The following DYNC1H1 variants were observed in gnomAD, a reference collection of about 807,000 sequenced individuals.
The protein encoded by DYNC1H1 is cytoplasmic dynein 1 heavy chain 1.
A neutral mutation model predicts 527.1 loss-of-function variants in DYNC1H1; 51 were observed. The ratio of observed to expected loss-of-function variants is 0.10; its 90% CI spans 0.08 to 0.12. The LOEUF (loss-of-function observed/expected upper bound fraction) is 0.12, where lower values mean the gene tolerates loss of function less well. Among genes scored for constraint, DYNC1H1 ranks in the 10% least tolerant of loss-of-function variants. The pLI is 1.00. For synonymous variants in DYNC1H1, 2,189 were observed against 2,278.8 expected (o/e 0.96, Z 1.12); for missense variants, 2,771 against 5,971.8 (o/e 0.46, Z 17.66).
rs558587879 is a variant in DYNC1H1 at position 101,974,887 on chromosome 14, C to T, written c.257-825C>T. 5.0e-4 allele frequency among the ~76,000 whole-genome samples: 76 copies of T among 152,258 alleles called. No homozygotes were observed. The South Asian group carries it at 9.1e-3, about 18-fold the overall frequency. ...GCATGTTGTATTGCGTGGAATCTAG[C>T]GTGGTCTCTGCCTTCCAAGAGCTCA... On this transcript the variant is annotated intron_variant, in intron 1 of 77. Transcript: ENST00000360184.
rs2048353688 is a variant in DYNC1H1 at position 102,018,818 on chromosome 14, G to A, written c.8343+202G>A. On this transcript the variant is annotated intron_variant, in intron 41 of 77. Coordinates refer to ENST00000360184, the MANE Select transcript of DYNC1H1 (RefSeq NM_001376.5). This position sits in a 1 kb window ranked among gnomAD's most constrained non-coding sequence, Gnocchi z 5.2. ...TCTACAAAAAATAGGTGGGCGTGGT[G>A]GTGCATGCTTGTAATGTCAGCTTCC... 6.6e-6 allele frequency among the ~76,000 whole-genome samples: 1 copy of A among 152,156 alleles called. No homozygotes were observed. Among genetic ancestry groups the A allele is most frequent in the Non-Finnish European group, 1.5e-5 (1 of 68,038 alleles).
At chr14:101,992,508 T>A (rs1440678865) in intron 11 of DYNC1H1, among the ~76,000 whole-genome samples, 1 of 152,156 alleles carries the variant, frequency 6.6e-6, no homozygotes, top group Non-Finnish European at 1.5e-5. Context: ...CTCTTGCTTA[T>A]CTCCAAATTT....
chr14:102,017,187 T>C lies in DYNC1H1; in HGVS notation c.7948T>C (p.Leu2650=). The C allele has an allele frequency of 6.2e-7, 1 of 1,614,230 alleles. No individual in the cohort carries two copies. The highest frequency in any genetic ancestry group is 1.7e-5 in the Admixed American group (1 of 60,024). ...CAGGCGCACACCTAATGGGGTGGTT[T>C]TGGCTCCTGTTCAACTTGGAAAGTG... ...EYRRTPNGVV[L]APVQLGKWLV... Residue 2650 remains leucine (L), a synonymous_variant, in exon 39 of 78, where the codon TTG becomes CTG. Transcript: ENST00000360184. This position sits in a 1 kb window ranked among gnomAD's most constrained non-coding sequence, Gnocchi z 4.6.
Position 102,029,513 on chromosome 14 carries a change from G to T in DYNC1H1, c.9469-26G>T. The stretch of plus-strand genomic sequence containing the variant: ...TAAGTCACAGAGTTTCCTGAAGAGT[G>T]AGAAGATGTAACTATTTTCTGAAAG... On this transcript the variant is annotated intron_variant, in intron 48 of 77. Coordinates refer to ENST00000360184, the MANE Select transcript of DYNC1H1 (RefSeq NM_001376.5). The surrounding 1 kb of genome is among the most constrained non-coding windows in gnomAD (Gnocchi z 5.3). 6.2e-7 allele frequency: 1 copy of T among 1,613,998 alleles called. No homozygotes were observed. The highest frequency in any genetic ancestry group is 1.1e-5 in the South Asian group (1 of 91,008).
chr14:102,048,580 G>T lies in DYNC1H1; in HGVS notation c.13283G>T (p.Arg4428Leu). The T allele has an allele frequency of 1.2e-6, 2 of 1,614,188 alleles. No homozygotes were observed. Among genetic ancestry groups the T allele is most frequent in the Non-Finnish European group, 8.5e-7 (1 of 1,180,042 alleles). ...KMGAKLLQDV[R>L]QDLADVVQVC... The stretch of plus-strand genomic sequence containing the variant: ...GGCGCAAAGCTGCTTCAGGACGTTC[G>T]CCAGGACCTTGCAGATGTCGTCCAG... The change falls in exon 74 of 78, where the codon CGC (arginine) becomes CTC (leucine). Residue 4428 changes from arginine (R) to leucine (L), a missense_variant. This residue lies in a region of DYNC1H1 where 170 missense variants were observed against 249.8 expected (regional missense o/e 0.68). Coordinates refer to ENST00000360184, the MANE Select transcript of DYNC1H1 (RefSeq NM_001376.5).
At position 101,964,864 on chromosome 14, in the gene DYNC1H1, A is replaced by C; in HGVS notation, c.173A>C (p.Glu58Ala). 6.3e-7 allele frequency: 1 copy of C among 1,597,932 alleles called. No individual in the cohort carries two copies. The highest frequency in any genetic ancestry group is 8.5e-7 in the Non-Finnish European group (1 of 1,173,220). ...GCCGCGCTGGAGGCGGCGCTGGAGG[A>C]GAAGAGCGCCCTGGAGCAGATGCGC... is the stretch of plus-strand genomic sequence containing the variant. Reference protein sequence around the residue: ...APAALEAALEEKSALEQMRKF... With the variant: ...APAALEAALEAKSALEQMRKF... The change falls in exon 1 of 78, where the codon GAG becomes GCG. Residue 58 changes from glutamate to alanine, a missense_variant. Glu to Ala is a moderately radical substitution (Grantham distance 107, BLOSUM62 -1). Around this residue, in one of 32 missense-constraint regions of DYNC1H1, gnomAD observed 101 missense variants for 105.3 expected, o/e 0.96. Coordinates refer to ENST00000360184, the MANE Select transcript of DYNC1H1 (RefSeq NM_001376.5). The surrounding 1 kb of genome is among the most constrained non-coding windows in gnomAD (Gnocchi z 5.5).
At position 102,001,115 on chromosome 14, in the gene DYNC1H1, C is replaced by T; in HGVS notation, c.4186-30C>T. Reference sequence around the variant, plus strand: ...TGAGTGTCCATTAGAAACGCACCTGCACAGATCACTTTGTTTACTTTCTCC... The same window carrying T: ...TGAGTGTCCATTAGAAACGCACCTGTACAGATCACTTTGTTTACTTTCTCC... On this transcript the variant is annotated intron_variant, in intron 19 of 77. Coordinates refer to ENST00000360184, the MANE Select transcript of DYNC1H1 (RefSeq NM_001376.5). The surrounding 1 kb of genome is among the most constrained non-coding windows in gnomAD (Gnocchi z 5.0). 2.5e-6 allele frequency: 4 copies of T among 1,614,132 alleles called. No homozygotes were observed. Among genetic ancestry groups the T allele is most frequent in the Non-Finnish European group, 3.4e-6 (4 of 1,180,008 alleles).
chr14:102,013,656 G>C (rs2048286274), intron 34 of DYNC1H1, among the ~76,000 whole-genome samples: 1 of 152,162 alleles, frequency 6.6e-6, no homozygotes, highest in Non-Finnish European at 1.5e-5. Context: ...GTGTGAGTTT[G>C]TACACTGGGC....
chr14:102,042,817 G>T lies in DYNC1H1; in HGVS notation c.12513+69G>T. 9 of 1,567,236 alleles carry T rather than the reference G, an allele frequency of 5.7e-6. No individual in the cohort carries two copies. Among genetic ancestry groups the T allele is most frequent in the Non-Finnish European group, 7.8e-6 (9 of 1,147,526 alleles). ...AAGCCCAGTCCCATCACCAAATGCA[G>T]AAGTGGGTCCCTGGGCCCCCGGAAG... On this transcript the variant is annotated intron_variant, in intron 69 of 77. Coordinates refer to ENST00000360184, the MANE Select transcript of DYNC1H1 (RefSeq NM_001376.5). This position sits in a 1 kb window ranked among gnomAD's most constrained non-coding sequence, Gnocchi z 5.7.
chr14:101,986,224 G>C lies in DYNC1H1; in HGVS notation c.1999G>C (p.Asp667His). The change falls in exon 8 of 78, where the codon GAT (aspartate) becomes CAT (histidine). Residue 667 changes from aspartate (D) to histidine (H), a missense_variant. Physicochemically the swap from Asp to His is moderately conservative, Grantham distance 81 (BLOSUM62 -1). This residue lies in a region of DYNC1H1 where 264 missense variants were observed against 619.4 expected (regional missense o/e 0.43). Coordinates refer to ENST00000360184, the MANE Select transcript of DYNC1H1 (RefSeq NM_001376.5). This position sits in a 1 kb window ranked among gnomAD's most constrained non-coding sequence, Gnocchi z 8.7. Reference sequence around the variant, plus strand: ...GACGGCCTACATGAAGCGGGTGGAAGATGTCCTTGGCAAGGGCTGGGAGAA... The same window carrying C: ...GACGGCCTACATGAAGCGGGTGGAACATGTCCTTGGCAAGGGCTGGGAGAA... The part of the protein sequence containing the change: ...QLTAYMKRVE[D>H]VLGKGWENHV... 1.2e-6 allele frequency: 2 copies of C among 1,614,208 alleles called. No homozygotes were observed. Among genetic ancestry groups the C allele is most frequent in the Non-Finnish European group, 1.7e-6 (2 of 1,180,044 alleles).
Position 102,018,609 on chromosome 14 carries a change from T to C in DYNC1H1, c.8336T>C (p.Met2779Thr), listed in dbSNP as rs772426649. The change falls in exon 41 of 78, where the codon ATG becomes ACG. Residue 2779 changes from methionine (M) to threonine (T), a missense_variant. By Grantham distance (81) the Met-to-Thr change is moderately conservative. Transcript: ENST00000360184. The surrounding 1 kb of genome is among the most constrained non-coding windows in gnomAD (Gnocchi z 5.2). ...GCTGCCATGGTGGAGTTCTACACCA[T>C]GTCTCAGGTACGCAGAGTTTCTTTG... ...LTAAMVEFYT[M>T]SQERFTQDTQ... 5 of 1,613,778 alleles carry C rather than the reference T, an allele frequency of 3.1e-6. No homozygotes were observed. The highest frequency in any genetic ancestry group is 1.3e-5 in the African/African-American group (1 of 74,934).
chr14:101,994,165 T>C lies in DYNC1H1; in HGVS notation c.3016-19T>C. On this transcript the variant is annotated intron_variant, in intron 11 of 77. Coordinates refer to ENST00000360184, the MANE Select transcript of DYNC1H1 (RefSeq NM_001376.5). ...TTTCATATACACTGCTTGCATTCATTTCGGCTTTGGTTGGCTAGGTGGGTG... is the reference window on the plus strand; with the variant it reads ...TTTCATATACACTGCTTGCATTCATCTCGGCTTTGGTTGGCTAGGTGGGTG... 6.2e-7 allele frequency: 1 copy of C among 1,614,214 alleles called. No individual in the cohort carries two copies. Among genetic ancestry groups the C allele is most frequent in the Non-Finnish European group, 8.5e-7 (1 of 1,180,024 alleles).
At position 102,042,377 on chromosome 14, in the gene DYNC1H1, T is replaced by C; in HGVS notation, c.12276-7T>C. On this transcript the variant is annotated splice_region_variant and splice_polypyrimidine_tract_variant and intron_variant, in intron 67 of 77. Transcript: ENST00000360184. This position sits in a 1 kb window ranked among gnomAD's most constrained non-coding sequence, Gnocchi z 5.7. ...CATGCTGTGTGACTCTCACTTTGTGTGTGCAGGTGGGTGATGCTGAAGAAT... is the reference window on the plus strand; with the variant it reads ...CATGCTGTGTGACTCTCACTTTGTGCGTGCAGGTGGGTGATGCTGAAGAAT... 3 of 1,614,166 alleles carry C rather than the reference T, an allele frequency of 1.9e-6. No individual in the cohort carries two copies. Among genetic ancestry groups the C allele is most frequent in the Non-Finnish European group, 2.5e-6 (3 of 1,180,042 alleles).
rs781360488 is a variant in DYNC1H1 at position 102,010,667 on chromosome 14, G to A, written c.6406-73G>A. 2.7e-4 allele frequency: 422 copies of A among 1,588,674 alleles called. 4 individuals carry two copies. The highest frequency in any genetic ancestry group is 2.3e-4 in the Middle Eastern group (1 of 4,400). ...TTGTTCACCAACAGTTACTGATCACGCACCTCCTGGGGATGCAGCGGGCAG... is the reference window on the plus strand; with the variant it reads ...TTGTTCACCAACAGTTACTGATCACACACCTCCTGGGGATGCAGCGGGCAG... On this transcript the variant is annotated intron_variant, in intron 31 of 77. Transcript: ENST00000360184. The surrounding 1 kb of genome is among the most constrained non-coding windows in gnomAD (Gnocchi z 6.0).
chr14:102,015,440 T>C lies in DYNC1H1; in HGVS notation c.7242+108T>C. The C allele has an allele frequency of 3.9e-6, 5 of 1,295,768 alleles. No individual in the cohort carries two copies. The highest frequency in any genetic ancestry group is 4.2e-6 in the Non-Finnish European group (4 of 941,796). The allele number at this position is 1,295,768 out of a possible 1,614,324, so 80.3% of individuals were successfully genotyped here. A position where few individuals can be genotyped will look rare whatever the true frequency, so the allele number is the denominator to read the frequency against. On this transcript the variant is annotated intron_variant, in intron 35 of 77. Transcript: ENST00000360184. The surrounding 1 kb of genome is among the most constrained non-coding windows in gnomAD (Gnocchi z 6.9). The stretch of plus-strand genomic sequence containing the variant: ...GTCTTGAACTCCTGGGCCCAAGCAA[T>C]CCACCTGCCTTGGCCTCTCAAAGTG...
intron 1 of DYNC1H1, among the ~76,000 whole-genome samples, chr14:101,967,589 C>T (rs1441961174): frequency 6.6e-6 from 1 of 152,120 alleles, no homozygotes; most frequent in Non-Finnish European, 1.5e-5. Flanking sequence ...CCTGTAATCC[C>T]AGCACTTTGG....
At position 102,018,025 on chromosome 14, in the gene DYNC1H1, G is replaced by C. The variant is rs1280578191; in HGVS notation, c.8178-426G>C. ...GGAGGCTGAGGCAGCAGAATGGTGT[G>C]AACCTGGGAGGTGGAGCTTGCAGTG... On this transcript the variant is annotated intron_variant, in intron 40 of 77. Transcript: ENST00000360184. This position sits in a 1 kb window ranked among gnomAD's most constrained non-coding sequence, Gnocchi z 5.2. The C allele has an allele frequency of 3.9e-6, 1 of 259,284 alleles. No homozygotes were observed. The highest frequency in any genetic ancestry group is 5.1e-5 in the Admixed American group (1 of 19,530). 16.1% of individuals were successfully genotyped at this position (259,284 alleles called of 1,614,324 possible). A position where few individuals can be genotyped will look rare whatever the true frequency, so the allele number is the denominator to read the frequency against.
At position 102,002,981 on chromosome 14, in the gene DYNC1H1, T is replaced by C; in HGVS notation, c.4883+16T>C. 6.2e-7 allele frequency: 1 copy of C among 1,613,894 alleles called. No homozygotes were observed. Among genetic ancestry groups the C allele is most frequent in the Non-Finnish European group, 8.5e-7 (1 of 1,180,046 alleles). On this transcript the variant is annotated intron_variant, in intron 23 of 77. Transcript: ENST00000360184. The surrounding 1 kb of genome is among the most constrained non-coding windows in gnomAD (Gnocchi z 4.4). Reference sequence around the variant, plus strand: ...CTTTCCCCAGGTAAGATCCTTGCTTTGACTTGGCCTGGAGTCAAGTTGAAT... The same window carrying C: ...CTTTCCCCAGGTAAGATCCTTGCTTCGACTTGGCCTGGAGTCAAGTTGAAT...
At chr14:102,023,420 A>G (rs1433860742) in intron 43 of DYNC1H1, 1 of 228,058 alleles carries the variant, frequency 4.4e-6, no homozygotes, top group African/African-American at 2.3e-5. Context: ...GTGGTGACGC[A>G]TGTCTGTAAT....
Sources: allele counts gnomAD v4.1 joint callset (sites outside exome capture counted in the v4.1 genomes callset), GRCh38; gene constraint gnomAD v4.1.1; regional missense constraint gnomAD v4.1.1; non-coding constraint Gnocchi (gnomAD v3.1); transcripts MANE v1.5; gene names NCBI Gene and HGNC (gene_info 2026-07-23, HGNC 2026-07-21).